The following ZNF407 variants were observed in gnomAD, a reference collection of about 807,000 sequenced individuals.
ZNF407 encodes the protein zinc finger protein 407.
A neutral mutation model predicts 131.2 loss-of-function variants in ZNF407; 17 were observed. That is an observed-to-expected ratio of 0.13 (90% CI 0.09 to 0.19). ZNF407 has a LOEUF of 0.19. Among genes scored for constraint, ZNF407 ranks in the 10% least tolerant of loss-of-function variants. The pLI, the probability that ZNF407 is intolerant of heterozygous loss-of-function variation, is 1.00. For synonymous variants in ZNF407, 1,156 were observed against 1,062.0 expected (o/e 1.09, Z -1.72); for missense variants, 2,681 against 2,830.6 (o/e 0.95, Z 1.20).
At chr18:74,916,189 G>A (rs1354353874) in intron 7 of ZNF407, among the ~76,000 whole-genome samples, 2 of 81,552 alleles carry the variant, frequency 2.5e-5, no homozygotes, top group African/African-American at 1.4e-4. Flanking sequence ...GCATTGGTTC[G>A]AATCGGGAGT....
At position 74,804,004 on chromosome 18, in the gene ZNF407, A is replaced by G. The variant is rs1210645416; in HGVS notation, c.4877+22502A>G. On this transcript the variant is annotated intron_variant, in intron 4 of 8. Transcript: ENST00000299687. ...TCGAAAGATCGGGACGTTGCCAGGAATACAGAACAACAGGAACGCGTCGAG... is the reference window on the plus strand; with the variant it reads ...TCGAAAGATCGGGACGTTGCCAGGAGTACAGAACAACAGGAACGCGTCGAG... 2.6e-6 allele frequency: 4 copies of G among 1,551,834 alleles called. 1 individual carries two copies. The Admixed American group carries it at 7.8e-5, about 30-fold the overall frequency.
At chr18:74,949,482 TG>T (rs1972189679) in intron 8 of ZNF407, among the ~76,000 whole-genome samples, 1 of 152,216 alleles carries the variant, frequency 6.6e-6, no homozygotes, top group African/African-American at 2.4e-5. Context: ...ATCTCTTTCA[TG>T]GTTTTCATTT....
At position 74,878,020 on chromosome 18, in the gene ZNF407, T is replaced by G. The variant is rs75567477; in HGVS notation, c.5044+657T>G. Among the ~76,000 whole-genome samples the G allele has an allele frequency of 3.3e-3, 501 of 152,310 alleles. 18 individuals carry two copies. In the East Asian group the frequency reaches 0.082, roughly 25 times the overall value. The stretch of plus-strand genomic sequence containing the variant: ...CAGAGGGTGTGGAATTTCCGCTAAT[T>G]GGTATGTGGAGCAACACTGAGCGTA... On this transcript the variant is annotated intron_variant, in intron 5 of 8. Transcript: ENST00000299687.
chr18:74,927,285 T>C (rs537326450), intron 8 of ZNF407, among the ~76,000 whole-genome samples: 12 of 152,338 alleles, frequency 7.9e-5, no homozygotes, highest in African/African-American at 2.6e-4. Flanking sequence ...GTCTTACAGT[T>C]ACATCACCCT....
intron 8 of ZNF407, among the ~76,000 whole-genome samples, chr18:75,056,697 A>G (rs904035042): frequency 1.3e-5 from 2 of 152,240 alleles, no homozygotes; most frequent in Non-Finnish European, 2.9e-5. Context: ...ATTATTGTCT[A>G]TAAGATGAAT....
rs117469677 is a variant in ZNF407, at chr18:74,920,933, A to G, written c.5428+241A>G. 188 of 1,192,200 alleles carry G rather than the reference A, an allele frequency of 1.6e-4. 2 individuals carry two copies. In the East Asian group the frequency reaches 6.3e-3, roughly 40 times the overall value. The allele number at this position is 1,192,200 out of a possible 1,614,324, so 73.9% of individuals were successfully genotyped here. A position where few individuals can be genotyped will look rare whatever the true frequency, so the allele number is the denominator to read the frequency against. On this transcript the variant is annotated intron_variant, in intron 8 of 8. Transcript: ENST00000299687. ...GACAGAGTAATTATTTGATGACTGT[A>G]AAGTTAATAATAGTAAATATTTAAA...
chr18:74,881,389 A>G (rs1971235980), intron 6 of ZNF407, among the ~76,000 whole-genome samples: 1 of 152,202 alleles, frequency 6.6e-6, no homozygotes, highest in Non-Finnish European at 1.5e-5. Context: ...TTGGCTTCCA[A>G]AGCCCAGATA....
Position 74,623,907 on chromosome 18 carries a change from A to G in ZNF407, c.-53-7060A>G, listed in dbSNP as rs986513395. 2.6e-5 allele frequency among the ~76,000 whole-genome samples: 4 copies of G among 152,182 alleles called. No individual in the cohort carries two copies. In the East Asian group the frequency reaches 7.7e-4, roughly 29 times the overall value. ...GATACTTGGGGAATCTTGGTGGCAC[A>G]GTGAAGAGATGTGTGGAAAGGGAAT... is the stretch of plus-strand genomic sequence containing the variant. On this transcript the variant is annotated intron_variant, in intron 1 of 8. Transcript: ENST00000299687.
At chr18:74,895,312 G>C (rs893167598) in intron 7 of ZNF407, among the ~76,000 whole-genome samples, 2 of 150,838 alleles carry the variant, frequency 1.3e-5, no homozygotes, top group African/African-American at 4.9e-5. Flanking sequence ...CTTACATTTT[G>C]TAATAGTCTC....
intron 7 of ZNF407, among the ~76,000 whole-genome samples, chr18:74,920,148 C>T (rs765429803): frequency 6.6e-6 from 1 of 152,160 alleles, no homozygotes; most frequent in Non-Finnish European, 1.5e-5. Context: ...TCAGTGGAGG[C>T]GACAGCACTT....
chr18:74,625,313 CAG>C (rs965745148), intron 1 of ZNF407, among the ~76,000 whole-genome samples: 103 of 152,092 alleles, frequency 6.8e-4, no homozygotes, highest in African/African-American at 2.1e-3. Context: ...ATGCCCTCAA[CAG>C]AGTGTTCGCT....
rs151209709 is a variant in ZNF407, at chr18:75,036,298, C to T, written c.5429-26852C>T. ...TTCACTGTGATTTACAAAAATAAAA[C>T]GATGTTCACAGGGAAAAAAAAAAAG... On this transcript the variant is annotated intron_variant, in intron 8 of 8. Transcript: ENST00000299687. 4.6e-5 allele frequency among the ~76,000 whole-genome samples: 7 copies of T among 151,392 alleles called. No individual in the cohort carries two copies. The South Asian group carries it at 1.0e-3, about 23-fold the overall frequency.
At chr18:75,024,891 A>T (rs1050225636) in intron 8 of ZNF407, among the ~76,000 whole-genome samples, 1 of 152,196 alleles carries the variant, frequency 6.6e-6, no homozygotes, top group African/African-American at 2.4e-5. Context: ...GCTTTATTTT[A>T]TCTGAGTTTG....
chr18:74,840,056 T>TA (rs1970611446), intron 4 of ZNF407, among the ~76,000 whole-genome samples: 2 of 152,110 alleles, frequency 1.3e-5, no homozygotes, highest in African/African-American at 4.8e-5. Context: ...TCTAGACCAA[T>TA]ACTCTTACTT....
intron 8 of ZNF407, among the ~76,000 whole-genome samples, chr18:75,004,879 G>A (rs1198201281): frequency 3.3e-5 from 5 of 152,062 alleles, no homozygotes; most frequent in African/African-American, 9.7e-5. Flanking sequence ...CGGCCCCACC[G>A]CACTTAGAGA....
chr18:74,916,878 AG>A (rs1401348777), intron 7 of ZNF407, among the ~76,000 whole-genome samples: 3 of 152,108 alleles, frequency 2.0e-5, no homozygotes, highest in Non-Finnish European at 2.9e-5. Flanking sequence ...TGTGATAATT[AG>A]CAGTAGCTGC....
At chr18:74,843,657 T>G (rs1970663887) in intron 4 of ZNF407, among the ~76,000 whole-genome samples, 1 of 152,234 alleles carries the variant, frequency 6.6e-6, no homozygotes, top group Non-Finnish European at 1.5e-5. Context: ...GGAATGAGAT[T>G]ATGCTTGGAG....
chr18:74,763,053 A>G (rs1346446355), intron 3 of ZNF407, among the ~76,000 whole-genome samples: 2 of 151,988 alleles, frequency 1.3e-5, no homozygotes, highest in Non-Finnish European at 2.9e-5. Flanking sequence ...AAGAGTTTTA[A>G]CTTTCCTATT....
chr18:74,786,533 C>A (rs574142965), intron 4 of ZNF407, among the ~76,000 whole-genome samples: 1 of 151,860 alleles, frequency 6.6e-6, no homozygotes, highest in South Asian at 2.1e-4. Context: ...GGGCTTCTCT[C>A]CACCTTAGAA....
Sources: gnomAD v4.1 joint callset for allele counts (sites outside exome capture counted in the v4.1 genomes callset) on GRCh38, gnomAD v4.1.1 for gene constraint, MANE v1.5 for transcripts, NCBI Gene and HGNC (gene_info 2026-07-23, HGNC 2026-07-21) for gene names.